KATNAL2: variants seen among roughly 807,000 people sequenced by gnomAD.
KATNAL2 encodes the protein katanin catalytic subunit A1 like 2.
KATNAL2 carries 52 observed loss-of-function variants against 76.3 expected under a neutral mutation model. The observed-to-expected ratio is 0.68, with a 90% confidence interval of 0.55 to 0.86. The LOEUF (loss-of-function observed/expected upper bound fraction) is 0.86, where lower values mean the gene tolerates loss of function less well. Ranked by LOEUF, KATNAL2 falls within the 40% of genes least tolerant of loss-of-function variation. The pLI is 0.00. For missense variants in KATNAL2, 660 were observed against 668.9 expected (o/e 0.99, Z 0.15); for synonymous variants, 243 against 244.2 (o/e 1.00, Z 0.05).
chr18:46,959,194 T>G (rs1039439213), intron 3 of KATNAL2, among the ~76,000 whole-genome samples: 1 of 152,248 alleles, frequency 6.6e-6, no homozygotes, highest in Admixed American at 6.5e-5. Context: ...AAATGTGCAG[T>G]TCTAAACACT....
chr18:47,090,405 C>G (rs1204009125), intron 15 of KATNAL2, among the ~76,000 whole-genome samples: 1 of 152,146 alleles, frequency 6.6e-6, no homozygotes, highest in Admixed American at 6.5e-5. Context: ...CCGCGCCCAG[C>G]CCGAAATAGT....
rs185821947 is a variant in KATNAL2 at position 47,051,721 on chromosome 18, G to A, written c.123-1159G>A. 9.7e-3 allele frequency among the ~76,000 whole-genome samples: 1,470 copies of A among 152,258 alleles called. 22 individuals carry two copies. The highest frequency in any genetic ancestry group is 0.032 in the African/African-American group (1,338 of 41,552). On this transcript the variant is annotated intron_variant, in intron 4 of 17. Coordinates refer to ENST00000683218, the MANE Select transcript of KATNAL2 (RefSeq NM_001387690.1). The stretch of plus-strand genomic sequence containing the variant: ...CAGCTTCTTTAAAATTAGCTTAGGA[G>A]AGATACATACATTTCAAGGTCATTG...
chr18:46,940,407 A>C (rs2059213077), intron 1 of KATNAL2, among the ~76,000 whole-genome samples: 1 of 152,244 alleles, frequency 6.6e-6, no homozygotes, highest in South Asian at 2.1e-4. Flanking sequence ...ATATACCAAC[A>C]CAGAATGTCT....
At chr18:47,055,920 G>A (rs1366873522) in intron 6 of KATNAL2, among the ~76,000 whole-genome samples, 1 of 152,206 alleles carries the variant, frequency 6.6e-6, no homozygotes, top group Non-Finnish European at 1.5e-5. Context: ...AAGTTGAATA[G>A]CAAATGGTTA....
chr18:47,033,377 G>A lies in KATNAL2; in HGVS notation c.52-13080G>A, dbSNP rs772554622. Reference sequence around the variant, plus strand: ...TCTCTGCCGTTGGGGTTGTTTCCACGTGCAGATCGGATATTCGTTGTCATT... The same window carrying A: ...TCTCTGCCGTTGGGGTTGTTTCCACATGCAGATCGGATATTCGTTGTCATT... On this transcript the variant is annotated intron_variant, in intron 3 of 17. Transcript: ENST00000683218. 1.9e-6 allele frequency: 3 copies of A among 1,614,166 alleles called. No individual in the cohort carries two copies. In the African/African-American group the frequency reaches 4.0e-5, roughly 22 times the overall value.
rs547987975 is a variant in KATNAL2 at position 47,052,849 on chromosome 18, A to T, written c.123-31A>T. On this transcript the variant is annotated intron_variant, in intron 4 of 17. Coordinates refer to ENST00000683218, the MANE Select transcript of KATNAL2 (RefSeq NM_001387690.1). The stretch of plus-strand genomic sequence containing the variant: ...GCCATTATTCTTTTCACCTCAGTTA[A>T]TTTCTTCTTTTTATTCTGTGAAACT... 9.5e-5 allele frequency: 145 copies of T among 1,533,364 alleles called. No individual in the cohort carries two copies. The African/African-American group carries it at 1.8e-3, about 19-fold the overall frequency. The allele number at this position is 1,533,364 out of a possible 1,614,324, so 95.0% of individuals were successfully genotyped here.
chr18:47,035,383 G>C, intron 3 of KATNAL2: 5 of 1,541,210 alleles, frequency 3.2e-6, no homozygotes, highest in Non-Finnish European at 4.4e-6. Flanking sequence ...AGCGACCTCG[G>C]GATGTGGAGT....
chr18:47,092,627 C>T (rs1025408765), intron 15 of KATNAL2, among the ~76,000 whole-genome samples: 1 of 152,182 alleles, frequency 6.6e-6, no homozygotes, highest in Non-Finnish European at 1.5e-5. Flanking sequence ...ACATTCCAGG[C>T]ATTCTATGAG....
chr18:47,076,675 T>A (rs2062239149), intron 14 of KATNAL2: 2 of 152,040 alleles, frequency 1.3e-5, no homozygotes, highest in South Asian at 4.1e-4. Flanking sequence ...ATGGGTGCTC[T>A]GAAGACTTCG....
chr18:46,952,528 T>C (rs1234810868), intron 3 of KATNAL2, among the ~76,000 whole-genome samples: 1 of 150,550 alleles, frequency 6.6e-6, no homozygotes, highest in Non-Finnish European at 1.5e-5. Context: ...GCCTCCCGAG[T>C]AGCTGGGACT....
At chr18:46,925,916 G>T (rs1307498865) in intron 1 of KATNAL2, among the ~76,000 whole-genome samples, 15 of 152,008 alleles carry the variant, frequency 9.9e-5, no homozygotes, top group African/African-American at 3.6e-4. Flanking sequence ...TATTTCTGTG[G>T]GATCGGTGGT....
chr18:46,929,017 C>T (rs4890704), intron 1 of KATNAL2, among the ~76,000 whole-genome samples: 60,663 of 151,770 alleles, frequency 0.4, 12,567 homozygotes, highest in Middle Eastern at 0.51. Context: ...AGGCTGGTCT[C>T]GAACTCCTGA....
intron 4 of KATNAL2, among the ~76,000 whole-genome samples, chr18:47,049,198 T>C (rs912017080): frequency 1.3e-5 from 2 of 152,258 alleles, no homozygotes; most frequent in Admixed American, 1.3e-4. Context: ...ATTCTCTTTA[T>C]GCTTCAGTTC....
intron 13 of KATNAL2, among the ~76,000 whole-genome samples, chr18:47,070,386 C>T (rs988839510): frequency 5.3e-5 from 8 of 152,136 alleles, no homozygotes; most frequent in African/African-American, 1.7e-4. Context: ...CAGGCCACCA[C>T]GCCAAGCGAT....
chr18:46,937,547 A>T (rs899527776), intron 1 of KATNAL2, among the ~76,000 whole-genome samples: 1 of 152,120 alleles, frequency 6.6e-6, no homozygotes, highest in Non-Finnish European at 1.5e-5. Flanking sequence ...TGTTTGTGTG[A>T]TCTTTTTCAC....
At chr18:46,960,463 T>C (rs2059904721) in intron 3 of KATNAL2, among the ~76,000 whole-genome samples, 1 of 150,322 alleles carries the variant, frequency 6.7e-6, no homozygotes, top group Non-Finnish European at 1.5e-5. Flanking sequence ...TTTGCTAAGA[T>C]GAAGCGATAG....
chr18:47,062,591 C>G (rs919210124), intron 8 of KATNAL2, among the ~76,000 whole-genome samples: 3 of 152,214 alleles, frequency 2.0e-5, no homozygotes, highest in African/African-American at 7.2e-5. Flanking sequence ...ACGTGTATCA[C>G]AATCCATAGA....
chr18:47,054,366 C>G (rs779517297), intron 5 of KATNAL2, 30 bp from the exon 6 acceptor site: 1 of 1,590,246 alleles, frequency 6.3e-7, no homozygotes, highest in South Asian at 1.1e-5. Context: ...AAATTATTTT[C>G]TTTCCCTCCC....
At chr18:47,065,058 A>G (rs554959205) in intron 10 of KATNAL2, among the ~76,000 whole-genome samples, 1 of 152,316 alleles carries the variant, frequency 6.6e-6, no homozygotes, top group African/African-American at 2.4e-5. Flanking sequence ...GTGGGCCTGC[A>G]TGTAGATCCA....
Sources: gnomAD v4.1 joint callset for allele counts (sites outside exome capture counted in the v4.1 genomes callset) on GRCh38, gnomAD v4.1.1 for gene constraint, MANE v1.5 for transcripts, NCBI Gene and HGNC (gene_info 2026-07-23, HGNC 2026-07-21) for gene names.